Variants in UBA5 observed in about 807,000 individuals in gnomAD.
UBA5 encodes the protein ubiquitin-like modifier-activating enzyme 5.
Under a neutral mutation model 52.9 loss-of-function variants are expected in UBA5, and 28 were observed. The ratio of observed to expected loss-of-function variants is 0.53; its 90% confidence interval spans 0.39 to 0.73. The LOEUF is 0.73. Among genes scored for constraint, UBA5 ranks in the 30% least tolerant of loss-of-function variants. The pLI, the probability that UBA5 is intolerant of heterozygous loss-of-function variation, is 0.00. For synonymous variants in UBA5, 135 were observed against 162.1 expected (o/e 0.83, Z 1.27); for missense variants, 388 against 492.7 (o/e 0.79, Z 2.01).
rs1234673255 is a variant in UBA5 at position 132,678,091 on chromosome 3, A to C, written c.*1565A>C. On this transcript the variant is annotated 3_prime_UTR_variant, in exon 12 of 12. Transcript: ENST00000356232. ...TTTTATAAAATTTTACAATTTGATAAAGTATCACATCTAGAATTCACTGTC... is the reference window on the plus strand; with the variant it reads ...TTTTATAAAATTTTACAATTTGATACAGTATCACATCTAGAATTCACTGTC... 6.6e-6 allele frequency: 1 copy of C among 152,242 alleles called. No homozygotes were observed. The highest frequency in any genetic ancestry group is 1.5e-5 in the Non-Finnish European group (1 of 68,032). The allele number at this position is 152,242 out of a possible 1,614,324, so 9.4% of individuals were successfully genotyped here. A position where few individuals can be genotyped will look rare whatever the true frequency, so the allele number is the denominator to read the frequency against.
intron 4 of UBA5, 100 bp downstream of exon 4, chr3:132,669,027 G>A (rs568341688): frequency 1.2e-6 from 1 of 865,944 alleles, no homozygotes; most frequent in East Asian, 2.9e-5. Flanking sequence ...TCTATAAAAT[G>A]CAGTTTTCAC....
chr3:132,659,485 A>C, upstream of UBA5: 2 of 1,438,798 alleles, frequency 1.4e-6, no homozygotes, highest in East Asian at 4.8e-5. Flanking sequence ...GGGTGCGTCC[A>C]CTGACTGCAG....
rs1938923733 is a variant in UBA5 at position 132,678,464 on chromosome 3, T to C, written c.*1938T>C. Among the ~76,000 whole-genome samples, 1 of 152,206 alleles carries C rather than the reference T, an allele frequency of 6.6e-6. No individual in the cohort carries two copies. Among genetic ancestry groups the C allele is most frequent in the African/African-American group, 2.4e-5 (1 of 41,450 alleles). ...CCCAGAATTGGCTTAGCACAGAGAC[T>C]CTAAATGATAGTAAAACAACATATT... is the stretch of plus-strand genomic sequence containing the variant. On this transcript the variant is annotated 3_prime_UTR_variant, in exon 12 of 12. Coordinates refer to ENST00000356232, the MANE Select transcript of UBA5 (RefSeq NM_024818.6).
chr3:132,675,575 G>T, intron 9 of UBA5, 30 bp from the exon 10 acceptor site: 1 of 1,592,912 alleles, frequency 6.3e-7, no homozygotes, highest in South Asian at 1.1e-5. Context: ...GAATGAGTAA[G>T]AACACTTTGA....
intron 10 of UBA5, 24 bp downstream of exon 10, chr3:132,675,704 A>G (rs2107951144): frequency 6.3e-7 from 1 of 1,582,894 alleles, no homozygotes; most frequent in East Asian, 2.2e-5. Context: ...TATAAATTGA[A>G]ATGGCAGTAT....
At chr3:132,659,564 A>C (rs75759619), upstream of UBA5, 1 of 1,608,068 alleles carries the variant, frequency 6.2e-7, no homozygotes, top group Non-Finnish European at 8.5e-7. Flanking sequence ...CTCAATGTAC[A>C]AATTTTTTTC....
upstream of UBA5, among the ~76,000 whole-genome samples, chr3:132,659,190 C>G (rs1937990012): frequency 6.6e-6 from 1 of 152,166 alleles, no homozygotes; most frequent in South Asian, 2.1e-4. Context: ...GATCCTCCAT[C>G]TGGTGTCATT....
upstream of UBA5, among the ~76,000 whole-genome samples, chr3:132,656,643 C>T (rs771793223): frequency 9.2e-5 from 14 of 151,928 alleles, no homozygotes; most frequent in African/African-American, 1.5e-4. Flanking sequence ...TACAGGTACC[C>T]ACCACCACAC....
intron 10 of UBA5, 61 bp from the exon 11 acceptor site, chr3:132,675,756 C>T (rs1938810076): frequency 2.0e-6 from 3 of 1,536,472 alleles, no homozygotes. Context: ...TAAGATTATA[C>T]AAATTGAATA....
chr3:132,664,948 T>C (rs1268826607), intron 1 of UBA5, among the ~76,000 whole-genome samples: 2 of 152,068 alleles, frequency 1.3e-5, no homozygotes, highest in East Asian at 3.9e-4. Flanking sequence ...CATAGGAAAT[T>C]AAGCATCAGG....
rs1938901823 is a variant in UBA5 at position 132,677,899 on chromosome 3, C to T, written c.*1373C>T. On this transcript the variant is annotated 3_prime_UTR_variant, in exon 12 of 12. Coordinates refer to ENST00000356232, the MANE Select transcript of UBA5 (RefSeq NM_024818.6). ...AAGGATAGTTTTTTTAGCCTGGAAACTTATTTATGTTGCCTTGGTGAGTCT... is the reference window on the plus strand; with the variant it reads ...AAGGATAGTTTTTTTAGCCTGGAAATTTATTTATGTTGCCTTGGTGAGTCT... 6.6e-6 allele frequency: 1 copy of T among 152,078 alleles called. No individual in the cohort carries two copies. Among genetic ancestry groups the T allele is most frequent in the South Asian group, 2.1e-4 (1 of 4,836 alleles). The allele number at this position is 152,078 out of a possible 1,614,324, so 9.4% of individuals were successfully genotyped here.
chr3:132,667,068 A>T (rs1242327796), intron 3 of UBA5, among the ~76,000 whole-genome samples: 1 of 152,158 alleles, frequency 6.6e-6, no homozygotes, highest in East Asian at 1.9e-4. Flanking sequence ...CTCCCAGGTG[A>T]TCCTGATGCT....
rs1391771192 is a variant in UBA5, at chr3:132,678,569, T to C, written c.*2043T>C. Among the ~76,000 whole-genome samples, 1 of 152,220 alleles carries C rather than the reference T, an allele frequency of 6.6e-6. No homozygotes were observed. Among genetic ancestry groups the C allele is most frequent in the Non-Finnish European group, 1.5e-5 (1 of 68,040 alleles). ...ATGTTGTAGAGAAAATAAGTATTAC[T>C]AGTTTCTTCTCATAAAAATACTCCC... On this transcript the variant is annotated 3_prime_UTR_variant, in exon 12 of 12. Transcript: ENST00000356232.
At chr3:132,672,026 A>G (rs776688921) in intron 7 of UBA5, 24 bp from the exon 8 acceptor site, 1 of 1,603,124 alleles carries the variant, frequency 6.2e-7, no homozygotes, top group Non-Finnish European at 8.5e-7. Flanking sequence ...TTTTTTTTTG[A>G]AATGTGTTTT....
chr3:132,658,223 G>A (rs923857112), upstream of UBA5, among the ~76,000 whole-genome samples: 4 of 151,814 alleles, frequency 2.6e-5, no homozygotes, highest in African/African-American at 9.7e-5. Context: ...CTTCCTTCAT[G>A]GCCTATGTGT....
chr3:132,671,955 C>T, intron 7 of UBA5, 74 bp downstream of exon 7: 1 of 1,596,802 alleles, frequency 6.3e-7, no homozygotes, highest in East Asian at 2.2e-5. Flanking sequence ...AAATGTATTA[C>T]AATTCAAAGA....
chr3:132,676,839 ATCTTTT>A lies in UBA5; in HGVS notation c.*319_*324del, dbSNP rs1938861588. ...GGGGAAGGACAAATCTGATCCTGTAATCTTTTTCTTTCCAGTAATCCCTTGTGTCTG... is the reference window on the plus strand; with the variant it reads ...GGGGAAGGACAAATCTGATCCTGTAATCTTTCCAGTAATCCCTTGTGTCTG... On this transcript the variant is annotated 3_prime_UTR_variant, in exon 12 of 12. Transcript: ENST00000356232. This position sits in a 1 kb window ranked among gnomAD's most constrained non-coding sequence, Gnocchi z 4.1. The A allele has an allele frequency of 2.1e-6, 1 of 470,094 alleles. No individual in the cohort carries two copies. 29.1% of individuals were successfully genotyped at this position (470,094 alleles called of 1,614,324 possible).
chr3:132,660,788 T>A lies in UBA5; in HGVS notation c.161+90T>A, dbSNP rs879231356. ...TGAGGCGCTTCCCACGTCCCGCTCA[T>A]GGGGACGCCCGCCACCCTTTTCTTG... On this transcript the variant is annotated intron_variant, in intron 1 of 11. Coordinates refer to ENST00000356232, the MANE Select transcript of UBA5 (RefSeq NM_024818.6). This position sits in a 1 kb window ranked among gnomAD's most constrained non-coding sequence, Gnocchi z 4.1. 1 of 1,447,470 alleles carries A rather than the reference T, an allele frequency of 6.9e-7. No homozygotes were observed. Among genetic ancestry groups the A allele is most frequent in the Non-Finnish European group, 9.1e-7 (1 of 1,096,420 alleles). The allele number at this position is 1,447,470 out of a possible 1,614,324, so 89.7% of individuals were successfully genotyped here. A position where few individuals can be genotyped will look rare whatever the true frequency, so the allele number is the denominator to read the frequency against.
rs375918397 is a variant in UBA5, at chr3:132,673,865, T to TTA, written c.813-1382_813-1381insAT. 1.2e-3 allele frequency among the ~76,000 whole-genome samples: 183 copies of TTA among 152,182 alleles called. 1 individual carries two copies. Among genetic ancestry groups the TTA allele is most frequent in the African/African-American group, 3.8e-3 (157 of 41,512 alleles). ...TATTTTTTGTAGAAACAAAGTCTCC[T>TTA]TGTTTTCCAGGCTGGTCTTGAACTC... is the stretch of plus-strand genomic sequence containing the variant. On this transcript the variant is annotated intron_variant, in intron 8 of 11. Coordinates refer to ENST00000356232, the MANE Select transcript of UBA5 (RefSeq NM_024818.6).
Sources: gnomAD v4.1 joint callset for allele counts (sites outside exome capture counted in the v4.1 genomes callset) on GRCh38, gnomAD v4.1.1 for gene constraint, Gnocchi (gnomAD v3.1) non-coding constraint, MANE v1.5 for transcripts, NCBI Gene and HGNC (gene_info 2026-07-23, HGNC 2026-07-21) for gene names.